Variants in FAM177A1 observed in about 807,000 individuals in gnomAD.
FAM177A1 encodes protein FAM177A1.
A neutral mutation model predicts 26.1 loss-of-function variants in FAM177A1; 22 were observed. That is an observed-to-expected ratio of 0.84 (90% confidence interval 0.60 to 1.20). The LOEUF (loss-of-function observed/expected upper bound fraction) is 1.20. Among genes scored for constraint, FAM177A1 ranks in the 50% most tolerant of loss-of-function variants. The pLI, the probability that FAM177A1 is intolerant of heterozygous loss-of-function variation, is 0.00. For missense variants in FAM177A1, 296 were observed against 291.1 expected (o/e 1.02, Z -0.12); for synonymous variants, 95 against 99.3 (o/e 0.96, Z 0.26).
intron 2 of FAM177A1, among the ~76,000 whole-genome samples, chr14:35,073,853 C>G (rs1335617870): frequency 1.3e-5 from 2 of 152,160 alleles, no homozygotes; most frequent in African/African-American, 4.8e-5. Context: ...TAATAAATGT[C>G]TTTTGTGGCA....
intron 2 of FAM177A1, among the ~76,000 whole-genome samples, chr14:35,056,892 A>G (rs936449632): frequency 4.6e-5 from 7 of 151,912 alleles, no homozygotes; most frequent in Non-Finnish European, 8.8e-5. Context: ...TTTATTTTTC[A>G]TAAGGTTGAT....
chr14:35,069,486 T>C (rs936933266), intron 2 of FAM177A1, among the ~76,000 whole-genome samples: 1 of 152,030 alleles, frequency 6.6e-6, no homozygotes, highest in African/African-American at 2.4e-5. Context: ...GGTTTTGCCA[T>C]GTTGGTCAGG....
At chr14:35,075,847 A>G (rs569253634) in intron 2 of FAM177A1, among the ~76,000 whole-genome samples, 2 of 152,376 alleles carry the variant, frequency 1.3e-5, no homozygotes, top group South Asian at 4.1e-4. Context: ...ACATGAAAAA[A>G]TGCTCATCAT....
chr14:35,067,389 C>A (rs1023380904), intron 2 of FAM177A1, among the ~76,000 whole-genome samples: 3 of 152,180 alleles, frequency 2.0e-5, no homozygotes, highest in Non-Finnish European at 4.4e-5. Flanking sequence ...AATTGTATTT[C>A]ATTTTGTATA....
chr14:35,064,047 CAAA>C (rs575915029), intron 2 of FAM177A1, among the ~76,000 whole-genome samples: 13 of 79,326 alleles, frequency 1.6e-4, no homozygotes, highest in Admixed American at 8.2e-4. Flanking sequence ...GACTCTGTCT[CAAA>C]AAAAAAAAAA....
Position 35,046,295 on chromosome 14 carries a change from G to T in FAM177A1, c.-169G>T. On this transcript the variant is annotated 5_prime_UTR_variant, in exon 1 of 5. Transcript: ENST00000280987. ...CCAGACTGCAGTTGGCCAGCTCTCG[G>T]GGTGCGGAGCCCGGCGGGCTAGGCG... is the stretch of plus-strand genomic sequence containing the variant. 1 of 735,248 alleles carries T rather than the reference G, an allele frequency of 1.4e-6. No homozygotes were observed. 45.5% of individuals were successfully genotyped at this position (735,248 alleles called of 1,614,324 possible).
chr14:35,056,078 A>G (rs144473719), intron 2 of FAM177A1, among the ~76,000 whole-genome samples: 15 of 152,222 alleles, frequency 9.9e-5, no homozygotes, highest in African/African-American at 2.6e-4. Flanking sequence ...TCTGTCACCC[A>G]GACTGGAGTG....
At chr14:35,065,310 A>G (rs538916446) in intron 2 of FAM177A1, among the ~76,000 whole-genome samples, 1 of 149,652 alleles carries the variant, frequency 6.7e-6, no homozygotes, top group Non-Finnish European at 1.5e-5. Flanking sequence ...GGTTTAATAT[A>G]TTAAACCATA....
At chr14:35,047,778 ACAAC>A (rs1316940897) in intron 1 of FAM177A1, among the ~76,000 whole-genome samples, 1 of 65,768 alleles carries the variant, frequency 1.5e-5, no homozygotes, top group East Asian at 5.4e-4. Context: ...AACAACAACA[ACAAC>A]AAAAAAAAAA....
At chr14:35,048,083 T>G (rs145961866) in intron 1 of FAM177A1, among the ~76,000 whole-genome samples, 27 of 152,236 alleles carry the variant, frequency 1.8e-4, no homozygotes, top group African/African-American at 6.3e-4. Flanking sequence ...ATACGTTTTT[T>G]CCCTCCTACT....
intron 2 of FAM177A1, among the ~76,000 whole-genome samples, chr14:35,067,774 A>G (rs1417190310): frequency 2.0e-5 from 3 of 152,100 alleles, no homozygotes; most frequent in African/African-American, 7.2e-5. Flanking sequence ...TTCCTTAATG[A>G]TTAGTGATGT....
rs1377391109 is a variant in FAM177A1 at position 35,081,746 on chromosome 14, TTGAGAA to T, written c.*520_*525del. ...TGGAAGCACTTTGAATTTTCTTTCA[TTGAGAA>T]TAACTGTTTTATGTAAGAATCTGTA... On this transcript the variant is annotated 3_prime_UTR_variant, in exon 5 of 5. Coordinates refer to ENST00000280987, the MANE Select transcript of FAM177A1 (RefSeq NM_173607.5). The T allele has an allele frequency of 6.6e-6, 1 of 152,280 alleles. No individual in the cohort carries two copies. The highest frequency in any genetic ancestry group is 1.9e-4 in the East Asian group (1 of 5,206). 9.4% of individuals were successfully genotyped at this position (152,280 alleles called of 1,614,324 possible). A position where few individuals can be genotyped will look rare whatever the true frequency, so the allele number is the denominator to read the frequency against.
At chr14:35,080,956 A>G in intron 4 of FAM177A1, 66 bp from the exon 5 acceptor site, 1 of 1,432,268 alleles carries the variant, frequency 7.0e-7, no homozygotes. Context: ...CAGTGGGGAA[A>G]ACAGCACTAT....
intron 2 of FAM177A1, among the ~76,000 whole-genome samples, chr14:35,066,632 T>G (rs2045245383): frequency 6.6e-6 from 1 of 151,858 alleles, no homozygotes; most frequent in Non-Finnish European, 1.5e-5. Context: ...CTCAAACTCC[T>G]GACCTCAAGT....
At chr14:35,071,906 G>T (rs1595054041) in intron 2 of FAM177A1, among the ~76,000 whole-genome samples, 1 of 152,140 alleles carries the variant, frequency 6.6e-6, no homozygotes, top group African/African-American at 2.4e-5. Context: ...CTTACCTAGA[G>T]CATAAAGTCA....
chr14:35,048,068 A>G (rs533123911), intron 1 of FAM177A1, among the ~76,000 whole-genome samples: 2 of 152,300 alleles, frequency 1.3e-5, no homozygotes, highest in African/African-American at 2.4e-5. Flanking sequence ...CAAACTCTAT[A>G]TGGAATACGT....
rs541638458 is a variant in FAM177A1, at chr14:35,050,595, A to G, written c.166-2683A>G. On this transcript the variant is annotated intron_variant, in intron 1 of 4. Transcript: ENST00000280987. ...AGAAGGAAAAAATTAAGCCAATGAG[A>G]GATTGCTAGAGGTAGCAGTGAGAAG... Among the ~76,000 whole-genome samples the G allele has an allele frequency of 8.8e-5, 13 of 148,052 alleles. No homozygotes were observed. In the South Asian group the frequency reaches 2.9e-3, roughly 33 times the overall value.
In FAM177A1 at chr14:35,078,965, G is replaced by C; in HGVS notation, c.445G>C (p.Gly149Arg). 1 of 1,552,350 alleles carries C rather than the reference G, an allele frequency of 6.4e-7. No individual in the cohort carries two copies. The highest frequency in any genetic ancestry group is 8.6e-7 in the Non-Finnish European group (1 of 1,160,640). Reference protein sequence around the residue: ...FLGEKIASVLGISTPKYQYAI... With the variant: ...FLGEKIASVLRISTPKYQYAI... ...TGGAGAGAAGATTGCATCTGTTTTG[G>C]GTATCAGCACCCCAAAGTACCAATA... The change falls in exon 4 of 5, where the codon GGT (glycine) becomes CGT (arginine). Residue 149 changes from glycine (G) to arginine (R), a missense_variant. Gly to Arg is a moderately radical substitution (Grantham distance 125). Transcript: ENST00000280987.
Position 35,059,037 on chromosome 14 carries a change from G to A in FAM177A1, c.339+5586G>A, listed in dbSNP as rs377182140. Among the ~76,000 whole-genome samples the A allele has an allele frequency of 5.5e-3, 835 of 151,890 alleles. 8 individuals are homozygous for A. Among genetic ancestry groups the A allele is most frequent in the African/African-American group, 0.019 (806 of 41,406 alleles). Reference sequence around the variant, plus strand: ...TGCAAGCTCCGCCTCCCGGGTTCACGCCATTCTCCTGCCTCAGCCTCCCGA... The same window carrying A: ...TGCAAGCTCCGCCTCCCGGGTTCACACCATTCTCCTGCCTCAGCCTCCCGA... On this transcript the variant is annotated intron_variant, in intron 2 of 4. Transcript: ENST00000280987.
Sources: allele counts gnomAD v4.1 joint callset (sites outside exome capture counted in the v4.1 genomes callset), GRCh38; gene constraint gnomAD v4.1.1; transcripts MANE v1.5; gene names NCBI Gene and HGNC (gene_info 2026-07-23, HGNC 2026-07-21).